The following UNC5C variants were observed in gnomAD, a reference collection of about 807,000 sequenced individuals.
The protein encoded by UNC5C is netrin receptor UNC5C.
Under a neutral mutation model 99.8 loss-of-function variants are expected in UNC5C, and 47 were observed. That is an observed-to-expected ratio of 0.47 (90% CI 0.37 to 0.60). UNC5C has a LOEUF of 0.60. Among genes scored for constraint, UNC5C ranks in the 20% least tolerant of loss-of-function variants. UNC5C has a pLI of 0.00. For synonymous variants in UNC5C, 487 were observed against 452.2 expected, an observed-to-expected ratio of 1.08 and a Z score of -0.98; for missense variants, 1,062 against 1,165.9, an observed-to-expected ratio of 0.91 and a Z score of 1.30.
intron 1 of UNC5C, among the ~76,000 whole-genome samples, chr4:95,466,146 A>G (rs533804927): frequency 6.6e-6 from 1 of 152,350 alleles, no homozygotes; most frequent in South Asian, 2.1e-4. Flanking sequence ...TTGTCTAAGC[A>G]AAATCCCTGC....
Position 95,301,765 on chromosome 4 carries a change from G to C in UNC5C, c.347-16C>G. 6.2e-7 allele frequency: 1 copy of C among 1,610,804 alleles called. No individual in the cohort carries two copies. Among genetic ancestry groups the C allele is most frequent in the Non-Finnish European group, 8.5e-7 (1 of 1,179,250 alleles). On this transcript the variant is annotated splice_polypyrimidine_tract_variant and intron_variant, in intron 2 of 15. Coordinates refer to ENST00000453304, the MANE Select transcript of UNC5C (RefSeq NM_003728.4). ...ACAATGAGACCTGACAAGAGAAAAA[G>C]AAAGATTTAAGTCAACACAAGATTC...
chr4:95,316,485 T>C (rs1008062995), intron 2 of UNC5C, among the ~76,000 whole-genome samples: 2 of 152,126 alleles, frequency 1.3e-5, no homozygotes, highest in African/African-American at 4.8e-5. Flanking sequence ...CACTTTTAAT[T>C]TGTGGCAAGA....
intron 4 of UNC5C, 111 bp downstream of exon 4, chr4:95,278,148 C>G: frequency 1.1e-6 from 1 of 879,384 alleles, no homozygotes; most frequent in Non-Finnish European, 1.8e-6. Flanking sequence ...ACTCTATTAC[C>G]AACCATTCAT....
chr4:95,248,158 A>G (rs1447221904), intron 5 of UNC5C: 1 of 173,176 alleles, frequency 5.8e-6, no homozygotes, highest in Non-Finnish European at 1.2e-5. Flanking sequence ...ATAAACACAC[A>G]TCCATCTGAA....
chr4:95,484,591 G>A (rs781090671), intron 1 of UNC5C, among the ~76,000 whole-genome samples: 1 of 151,762 alleles, frequency 6.6e-6, no homozygotes, highest in Admixed American at 6.6e-5. Context: ...CTTATACATG[G>A]TTCAGCCTCT....
intron 1 of UNC5C, among the ~76,000 whole-genome samples, chr4:95,393,340 G>A (rs551007869): frequency 1.2e-3 from 190 of 152,264 alleles, no homozygotes; most frequent in Non-Finnish European, 2.0e-3. Context: ...TGGAACTTTC[G>A]TGACCCAGTC....
At chr4:95,530,087 C>T (rs1471797291) in intron 1 of UNC5C, among the ~76,000 whole-genome samples, 1 of 152,072 alleles carries the variant, frequency 6.6e-6, no homozygotes, top group African/African-American at 2.4e-5. Flanking sequence ...TTTTATTTAG[C>T]TACAGAGATA....
In UNC5C at chr4:95,242,459, T is replaced by G. The variant is rs759650789; in HGVS notation, c.1078A>C (p.Lys360Gln). Residue 360 changes from lysine to glutamine, a missense_variant, in exon 7 of 16, where the codon AAG becomes CAG. Lys to Gln is a moderately conservative substitution (Grantham distance 53). Coordinates refer to ENST00000453304, the MANE Select transcript of UNC5C (RefSeq NM_003728.4). ...ATGCAAAGCCCATCAGTGCAGTTCT[T>G]GGATTGCAAGACGAGGCCGTCGCAG... ...KDCDGLVLQS[K>Q]NCTDGLCMQT... The G allele has an allele frequency of 3.1e-6, 5 of 1,614,078 alleles. No individual in the cohort carries two copies. The highest frequency in any genetic ancestry group is 3.4e-6 in the Non-Finnish European group (4 of 1,180,020).
intron 3 of UNC5C, among the ~76,000 whole-genome samples, chr4:95,279,447 A>G (rs1255807321): frequency 1.3e-5 from 2 of 152,226 alleles, no homozygotes; most frequent in African/African-American, 4.8e-5. Flanking sequence ...ACATACTTCA[A>G]GAGATAGGTT....
chr4:95,315,899 T>G (rs1742458731), intron 2 of UNC5C, among the ~76,000 whole-genome samples: 1 of 152,340 alleles, frequency 6.6e-6, no homozygotes, highest in South Asian at 2.1e-4. Context: ...TGTCTCTGTG[T>G]GCATTTGTAT....
intron 11 of UNC5C, among the ~76,000 whole-genome samples, chr4:95,203,283 C>A (rs545651688): frequency 6.6e-6 from 1 of 152,104 alleles, no homozygotes; most frequent in African/African-American, 2.4e-5. Flanking sequence ...ATATGCAATT[C>A]TACTATGTTC....
chr4:95,176,943 G>GTGTGCCGTT (rs1560714590), intron 14 of UNC5C, among the ~76,000 whole-genome samples: 7 of 151,618 alleles, frequency 4.6e-5, no homozygotes, highest in Non-Finnish European at 8.9e-5. Flanking sequence ...ATAATCTCCT[G>GTGTGCCGTT]GTGTGCCGTT....
Position 95,220,158 on chromosome 4 carries a change from T to A in UNC5C, c.1127A>T (p.Asp376Val). The change falls in exon 8 of 16, where the codon GAT (aspartate) becomes GTT (valine). Residue 376 changes from aspartate to valine, a missense_variant. By Grantham distance (152) the Asp-to-Val change is radical (BLOSUM62 -3). Coordinates refer to ENST00000453304, the MANE Select transcript of UNC5C (RefSeq NM_003728.4). ...LCMQTAPDSD[D>V]VALYVGIVIA... ...CACAATCCCAACATAGAGAGCAACA[T>A]CATCTGAATCAGGAGCAGCTAGAGA... is the stretch of plus-strand genomic sequence containing the variant. The A allele has an allele frequency of 6.2e-7, 1 of 1,613,478 alleles. No homozygotes were observed. Among genetic ancestry groups the A allele is most frequent in the South Asian group, 1.1e-5 (1 of 90,938 alleles).
At chr4:95,536,831 G>A (rs959663653) in intron 1 of UNC5C, among the ~76,000 whole-genome samples, 6 of 152,116 alleles carry the variant, frequency 3.9e-5, no homozygotes, top group Non-Finnish European at 8.8e-5. Context: ...TATTCATCAA[G>A]TCCCTCATGC....
intron 3 of UNC5C, among the ~76,000 whole-genome samples, chr4:95,295,579 GC>G (rs1349389122): frequency 6.6e-6 from 1 of 152,120 alleles, no homozygotes; most frequent in East Asian, 1.9e-4. Flanking sequence ...TGAAAATAGA[GC>G]TTTTTCATGA....
chr4:95,282,534 A>T (rs563189816), intron 3 of UNC5C, among the ~76,000 whole-genome samples: 2 of 152,360 alleles, frequency 1.3e-5, no homozygotes, highest in East Asian at 1.9e-4. Flanking sequence ...ACATGTACAC[A>T]TGGGAGCCTT....
At chr4:95,188,725 C>T (rs192868414) in intron 12 of UNC5C, among the ~76,000 whole-genome samples, 88 of 152,300 alleles carry the variant, frequency 5.8e-4, no homozygotes, top group African/African-American at 2.0e-3. Flanking sequence ...TAAGACATGG[C>T]TTTACAGTTC....
chr4:95,227,951 T>C (rs1738757499), intron 7 of UNC5C, among the ~76,000 whole-genome samples: 2 of 152,190 alleles, frequency 1.3e-5, no homozygotes, highest in Admixed American at 1.3e-4. Flanking sequence ...TCATTTAGAC[T>C]AGAGGTGAGG....
chr4:95,202,276 T>A (rs1434317603), intron 12 of UNC5C, among the ~76,000 whole-genome samples: 4 of 152,212 alleles, frequency 2.6e-5, no homozygotes, highest in Non-Finnish European at 4.4e-5. Flanking sequence ...TCATTTATTC[T>A]GCAAAGCAGC....
Sources: allele counts gnomAD v4.1 joint callset (sites outside exome capture counted in the v4.1 genomes callset), GRCh38; gene constraint gnomAD v4.1.1; transcripts MANE v1.5; gene names NCBI Gene and HGNC (gene_info 2026-07-23, HGNC 2026-07-21).